HIP1: variants seen among roughly 807,000 people sequenced by gnomAD.
The protein encoded by HIP1 is huntingtin interacting protein 1.
Under a neutral mutation model 147.6 loss-of-function variants are expected in HIP1, and 65 were observed. The observed-to-expected ratio is 0.44, with a 90% CI of 0.36 to 0.54. The LOEUF is 0.54. Among genes scored for constraint, HIP1 ranks in the 20% least tolerant of loss-of-function variants. The probability of loss-of-function intolerance (pLI) is 0.00; values close to 1 mark genes in which losing one functional copy is unlikely to be tolerated. For synonymous variants in HIP1, 479 were observed against 504.0 expected (o/e 0.95, Z 0.67); for missense variants, 1,061 against 1,299.6 (o/e 0.82, Z 2.82).
At chr7:75,717,938 C>T (rs534022741) in intron 1 of HIP1, among the ~76,000 whole-genome samples, 25 of 151,306 alleles carry the variant, frequency 1.7e-4, no homozygotes, top group Admixed American at 1.3e-3. Context: ...CCACTGCATT[C>T]CAGCCTGGGT....
At chr7:75,549,166 C>T in intron 22 of HIP1, among the ~76,000 whole-genome samples, 165 bp from the exon 23 acceptor site, 1 of 151,966 alleles carries the variant, frequency 6.6e-6, no homozygotes, top group South Asian at 2.1e-4. Context: ...ATCTTGTCCT[C>T]TCTGTGACAC....
At chr7:75,647,442 T>G (rs1798837940) in intron 1 of HIP1, among the ~76,000 whole-genome samples, 1 of 152,016 alleles carries the variant, frequency 6.6e-6, no homozygotes, top group Non-Finnish European at 1.5e-5. Flanking sequence ...ACAAACCATG[T>G]GCCTCAGCCT....
chr7:75,573,341 C>T (rs1554497038), intron 8 of HIP1, among the ~76,000 whole-genome samples: 2 of 152,194 alleles, frequency 1.3e-5, no homozygotes, highest in Non-Finnish European at 1.5e-5. Flanking sequence ...GGACAACCTG[C>T]CTACAGACAG....
Position 75,680,124 on chromosome 7 carries a change from C to A in HIP1, c.120+58677G>T, listed in dbSNP as rs1030760947. Among the ~76,000 whole-genome samples, 9 of 152,258 alleles carry A rather than the reference C, an allele frequency of 5.9e-5. No individual in the cohort carries two copies. The East Asian group carries it at 1.5e-3, about 26-fold the overall frequency. On this transcript the variant is annotated intron_variant, in intron 1 of 30. Coordinates refer to ENST00000336926, the MANE Select transcript of HIP1 (RefSeq NM_005338.7). The stretch of plus-strand genomic sequence containing the variant: ...GTGGCACGATCTCAGCTCACTGTAA[C>A]CTCTACCTCCTGGGTTCAAGCAATT...
intron 1 of HIP1, among the ~76,000 whole-genome samples, chr7:75,641,929 A>T (rs1191869220): frequency 6.6e-6 from 1 of 152,140 alleles, no homozygotes. Context: ...ATCAGGTCCC[A>T]CATCCCTGCG....
rs1794262077 is a variant in HIP1, at chr7:75,540,445, A to C, written c.2953-1014T>G. On this transcript the variant is annotated intron_variant, in intron 29 of 30. Transcript: ENST00000336926. ...AAGACTCGGTCTCAAAAAAAAAAAA[A>C]AAAAAGAAGGAAAAATTAGCTGGGC... 3.9e-5 allele frequency among the ~76,000 whole-genome samples: 6 copies of C among 151,916 alleles called. No homozygotes were observed. The South Asian group carries it at 1.2e-3, about 32-fold the overall frequency.
rs545257788 is a variant in HIP1 at position 75,662,019 on chromosome 7, T to A, written c.121-62772A>T. Reference sequence around the variant, plus strand: ...GAGAGAGATGGATGAGTGGACAGGGTCTCTGAGGAGGGGTGGACTGGAGAG... The same window carrying A: ...GAGAGAGATGGATGAGTGGACAGGGACTCTGAGGAGGGGTGGACTGGAGAG... On this transcript the variant is annotated intron_variant, in intron 1 of 30. Coordinates refer to ENST00000336926, the MANE Select transcript of HIP1 (RefSeq NM_005338.7). Among the ~76,000 whole-genome samples the A allele has an allele frequency of 1.1e-3, 163 of 147,672 alleles. 1 individual carries two copies. The highest frequency in any genetic ancestry group is 3.7e-4 in the Non-Finnish European group (25 of 67,206).
rs587652038 is a variant in HIP1, at chr7:75,537,449, T to C, written c.*723A>G. 10 of 230,056 alleles carry C rather than the reference T, an allele frequency of 4.3e-5. No individual in the cohort carries two copies. In the South Asian group the frequency reaches 1.3e-3, roughly 30 times the overall value. The allele number at this position is 230,056 out of a possible 1,614,324, so 14.3% of individuals were successfully genotyped here. On this transcript the variant is annotated 3_prime_UTR_variant, in exon 31 of 31. Coordinates refer to ENST00000336926, the MANE Select transcript of HIP1 (RefSeq NM_005338.7). ...AGCACCATCGCTGGAGCTACCACAGTTGGGGGGCCCTGGAGACTCAGCCCC... is the reference window on the plus strand; with the variant it reads ...AGCACCATCGCTGGAGCTACCACAGCTGGGGGGCCCTGGAGACTCAGCCCC...
At chr7:75,667,939 A>G (rs1198519310) in intron 1 of HIP1, among the ~76,000 whole-genome samples, 3 of 152,222 alleles carry the variant, frequency 2.0e-5, no homozygotes, top group South Asian at 2.1e-4. Context: ...GCAAATTCCA[A>G]ATCAGGAGAT....
chr7:75,718,634 A>G (rs1045885291), intron 1 of HIP1, among the ~76,000 whole-genome samples: 1 of 152,196 alleles, frequency 6.6e-6, no homozygotes, highest in African/African-American at 2.4e-5. Flanking sequence ...CTTGCTCTCC[A>G]GCCTTTGCTT....
chr7:75,678,744 G>GCC (rs1799974358), intron 1 of HIP1, among the ~76,000 whole-genome samples: 1 of 152,174 alleles, frequency 6.6e-6, no homozygotes, highest in African/African-American at 2.4e-5. Context: ...TGGAGCAGCA[G>GCC]CCAGGCCCGT....
At chr7:75,560,414 A>G (rs1332312610) in intron 13 of HIP1, among the ~76,000 whole-genome samples, 4 of 152,026 alleles carry the variant, frequency 2.6e-5, no homozygotes, top group Non-Finnish European at 5.9e-5. Context: ...ATGCCCAGCT[A>G]ATTTTTAAAA....
intron 1 of HIP1, among the ~76,000 whole-genome samples, chr7:75,730,957 A>G (rs542781987): frequency 1.3e-5 from 2 of 149,058 alleles, no homozygotes; most frequent in Admixed American, 6.7e-5. Flanking sequence ...ATGGTCTCGA[A>G]CTCCTGGCCT....
intron 1 of HIP1, among the ~76,000 whole-genome samples, chr7:75,673,811 C>A (rs1351635867): frequency 1.2e-5 from 1 of 82,662 alleles, no homozygotes; most frequent in Non-Finnish European, 2.4e-5. Context: ...TAGCAAAGCC[C>A]TATCTCTACA....
At chr7:75,555,334 A>G in intron 19 of HIP1, 82 bp downstream of exon 19, 4 of 1,537,378 alleles carry the variant, frequency 2.6e-6, no homozygotes, top group Non-Finnish European at 3.6e-6. Context: ...CCCCTGAGCT[A>G]AGTCTCACAT....
chr7:75,548,801 A>C, intron 23 of HIP1, 90 bp downstream of exon 23: 1 of 1,019,528 alleles, frequency 9.8e-7, no homozygotes, highest in East Asian at 2.4e-5. Context: ...CCATGGCCTT[A>C]ATGAACGACT....
At chr7:75,558,997 C>T (rs147105495) in intron 14 of HIP1, among the ~76,000 whole-genome samples, 2,067 of 152,200 alleles carry the variant, frequency 0.014, 46 homozygotes, top group African/African-American at 0.046. Context: ...CCAGCCTGGG[C>T]GACAGAGTGA....
chr7:75,679,004 C>G (rs1799980519), intron 1 of HIP1, among the ~76,000 whole-genome samples: 2 of 152,150 alleles, frequency 1.3e-5, no homozygotes, highest in Admixed American at 6.6e-5. Flanking sequence ...CTATCAACCT[C>G]TCTCTCTCCG....
intron 1 of HIP1, among the ~76,000 whole-genome samples, chr7:75,602,144 G>GC (rs1158256983): frequency 1.3e-5 from 2 of 151,026 alleles, no homozygotes; most frequent in Non-Finnish European, 2.9e-5. Context: ...GGGACTACAG[G>GC]CGCATGCCAC....
Sources: allele counts gnomAD v4.1 joint callset (sites outside exome capture counted in the v4.1 genomes callset), GRCh38; gene constraint gnomAD v4.1.1; transcripts MANE v1.5; gene names NCBI Gene and HGNC (gene_info 2026-07-23, HGNC 2026-07-21).